Variants in NPHP3 observed in about 807,000 individuals in gnomAD.
NPHP3 encodes nephrocystin-3.
NPHP3 carries 123 observed loss-of-function variants against 171.9 expected under a neutral mutation model. That is an observed-to-expected ratio of 0.72 (90% CI 0.62 to 0.83). NPHP3 has a LOEUF of 0.83. Among genes scored for constraint, NPHP3 ranks in the 40% least tolerant of loss-of-function variants. The pLI, the probability that NPHP3 is intolerant of heterozygous loss-of-function variation, is 0.00. For missense variants in NPHP3, 1,506 were observed against 1,591.9 expected, an observed-to-expected ratio of 0.95 and a Z score of 0.92; for synonymous variants, 558 against 579.2, an observed-to-expected ratio of 0.96 and a Z score of 0.52.
chr3:132,716,785 C>T lies in NPHP3; in HGVS notation c.795G>A (p.Val265=). ...TATTAACATTTGCAAAGGGTCCTTC[C>T]ACATCTATAGAACTATGGGCAAACT... ...GPEFAHSSID[V]EGPFANVNRD... The change falls in exon 4 of 27, where the codon GTG becomes GTA. Residue 265 remains valine (V), a synonymous_variant. Transcript: ENST00000337331. 1 of 1,614,122 alleles carries T rather than the reference C, an allele frequency of 6.2e-7. No individual in the cohort carries two copies. Among genetic ancestry groups the T allele is most frequent in the Non-Finnish European group, 8.5e-7 (1 of 1,180,014 alleles).
Position 132,721,958 on chromosome 3 carries a change from G to A in NPHP3, c.393+5C>T, listed in dbSNP as rs1309968155. The A allele has an allele frequency of 5.0e-6, 8 of 1,612,244 alleles. No individual in the cohort carries two copies. Among genetic ancestry groups the A allele is most frequent in the Non-Finnish European group, 5.9e-6 (7 of 1,179,790 alleles). ...TCCCGGCGTCGCGGCCCAGCCCGGC[G>A]TTACCTGCAGTTCGGCCCGCAGCCG... On this transcript the variant is annotated splice_donor_5th_base_variant and intron_variant, in intron 1 of 26. Transcript: ENST00000337331.
At chr3:132,682,905 C>T in intron 25 of NPHP3, 87 bp from the exon 26 acceptor site, 2 of 815,202 alleles carry the variant, frequency 2.5e-6, no homozygotes, top group Non-Finnish European at 4.3e-6. Context: ...TTGATTAGTA[C>T]TTTAAAATGT....
intron 4 of NPHP3, among the ~76,000 whole-genome samples, chr3:132,716,001 C>A (rs1370098299): frequency 9.9e-6 from 1 of 100,636 alleles, no homozygotes; most frequent in African/African-American, 4.8e-5. Flanking sequence ...TTCTTTAAAT[C>A]AAGCTTCTCC....
intron 13 of NPHP3, among the ~76,000 whole-genome samples, chr3:132,698,586 C>A (rs370467699): frequency 1.1e-4 from 17 of 152,136 alleles, no homozygotes; most frequent in African/African-American, 4.1e-4. Context: ...CACTCTACTA[C>A]TTTTTAAAGA....
chr3:132,694,903 A>G lies in NPHP3; in HGVS notation c.2234T>C (p.Leu745Pro). ...GTGCAGAACAAGTCTATATAATGAAAGAGTATCTTGACACTGGAAACACTG... is the reference window on the plus strand; with the variant it reads ...GTGCAGAACAAGTCTATATAATGAAGGAGTATCTTGACACTGGAAACACTG... ...LHQCFQCQDT[L>P]SLYRLVLHSI... Residue 745 changes from leucine (L) to proline (P), a missense_variant, in exon 16 of 27, where the codon CTT (leucine) becomes CCT (proline). By Grantham distance (98) the Leu-to-Pro change is moderately conservative. Transcript: ENST00000337331. 1 of 1,613,832 alleles carries G rather than the reference A, an allele frequency of 6.2e-7. No homozygotes were observed. Among genetic ancestry groups the G allele is most frequent in the Non-Finnish European group, 8.5e-7 (1 of 1,179,816 alleles).
intron 13 of NPHP3, 135 bp downstream of exon 13, chr3:132,699,218 A>AT (rs1939539172): frequency 1.5e-6 from 1 of 658,510 alleles, no homozygotes; most frequent in Admixed American, 2.6e-5. Flanking sequence ...TTTTTCATAA[A>AT]TTCACCCACT....
rs780587933 is a variant in NPHP3 at position 132,694,947 on chromosome 3, A to G, written c.2190T>C (p.Asn730=). Reference sequence around the variant, plus strand: ...AACACTGATGAAGGATTTTATCTAAATTGCCTGCTCTCCCAGCACTGTTGG... The same window carrying G: ...AACACTGATGAAGGATTTTATCTAAGTTGCCTGCTCTCCCAGCACTGTTGG... ...KMIARAGRAG[N]LDKILHQCFQ... is the part of the protein sequence containing the mutation. The change falls in exon 16 of 27, where the codon AAT becomes AAC. Residue 730 remains asparagine (N), a synonymous_variant. Coordinates refer to ENST00000337331, the MANE Select transcript of NPHP3 (RefSeq NM_153240.5). 33 of 1,613,798 alleles carry G rather than the reference A, an allele frequency of 2.0e-5. No individual in the cohort carries two copies. In the Admixed American group the frequency reaches 5.5e-4, roughly 27 times the overall value.
chr3:132,688,714 C>T lies in NPHP3; in HGVS notation c.3061G>A (p.Ala1021Thr), dbSNP rs749460686. The change falls in exon 21 of 27, where the codon GCG becomes ACG. Residue 1021 changes from alanine (A) to threonine (T), a missense_variant. Coordinates refer to ENST00000337331, the MANE Select transcript of NPHP3 (RefSeq NM_153240.5). Reference protein sequence around the residue: ...ALEISENAYGADHPYTARELE... With the variant: ...ALEISENAYGTDHPYTARELE... ...TCACGAGCAGTATATGGATGGTCCG[C>T]ACCATAAGCATTTTCTGAGATTTCC... is the stretch of plus-strand genomic sequence containing the variant. 1.2e-6 allele frequency: 2 copies of T among 1,614,114 alleles called. No homozygotes were observed. The highest frequency in any genetic ancestry group is 8.5e-7 in the Non-Finnish European group (1 of 1,179,970).
rs774495861 is a variant in NPHP3 at position 132,690,588 on chromosome 3, C to A, written c.2633G>T (p.Ser878Ile). The part of the protein sequence containing the change: ...ELPWLFQQQG[S>I]KQKLHDCLLN... Reference sequence around the variant, plus strand: ...AAGGCAATCATGCAGCTTCTGTTTACTTCCCTGCTGCTGAAAAAGCCACGG... The same window carrying A: ...AAGGCAATCATGCAGCTTCTGTTTAATTCCCTGCTGCTGAAAAAGCCACGG... Residue 878 changes from serine (S) to isoleucine (I), a missense_variant, in exon 19 of 27, where the codon AGT (serine) becomes ATT (isoleucine). Coordinates refer to ENST00000337331, the MANE Select transcript of NPHP3 (RefSeq NM_153240.5). The A allele has an allele frequency of 1.2e-6, 2 of 1,613,462 alleles. No homozygotes were observed. The highest frequency in any genetic ancestry group is 4.5e-5 in the East Asian group (2 of 44,870).
chr3:132,700,118 T>G (rs1939567037), intron 11 of NPHP3, 57 bp from the exon 12 acceptor site: 2 of 1,583,558 alleles, frequency 1.3e-6, no homozygotes, highest in African/African-American at 2.7e-5. Flanking sequence ...CTGAAGTAGT[T>G]ACAGAGCTGG....
intron 6 of NPHP3, among the ~76,000 whole-genome samples, chr3:132,709,042 T>C (rs2107991483): frequency 6.6e-6 from 1 of 152,274 alleles, no homozygotes; most frequent in African/African-American, 2.4e-5. Flanking sequence ...TTCAGACTTT[T>C]CTCATCTAAT....
rs549268866 is a variant in NPHP3, at chr3:132,681,466, C to T, written c.*444G>A. On this transcript the variant is annotated 3_prime_UTR_variant, in exon 27 of 27. Coordinates refer to ENST00000337331, the MANE Select transcript of NPHP3 (RefSeq NM_153240.5). Reference sequence around the variant, plus strand: ...TATTTTTAGTAGAGACAGGGTTTCACCATGTTGGCCAGGCTGGTCTCCAAC... The same window carrying T: ...TATTTTTAGTAGAGACAGGGTTTCATCATGTTGGCCAGGCTGGTCTCCAAC... 1.6e-4 allele frequency: 30 copies of T among 186,812 alleles called. No individual in the cohort carries two copies. Among genetic ancestry groups the T allele is most frequent in the Non-Finnish European group, 2.9e-4 (26 of 89,200 alleles). The allele number at this position is 186,812 out of a possible 1,614,324, so 11.6% of individuals were successfully genotyped here.
At position 132,690,603 on chromosome 3, in the gene NPHP3, A is replaced by C. The variant is rs149618293; in HGVS notation, c.2618T>G (p.Phe873Cys). 3 of 1,613,902 alleles carry C rather than the reference A, an allele frequency of 1.9e-6. No homozygotes were observed. Among genetic ancestry groups the C allele is most frequent in the East Asian group, 2.2e-5 (1 of 44,862 alleles). The change falls in exon 19 of 27, where the codon TTT (phenylalanine) becomes TGT (cysteine). Residue 873 changes from phenylalanine (F) to cysteine (C), a missense_variant. Physicochemically the swap from Phe to Cys is radical, Grantham distance 205. Around this residue, in one of 3 missense-constraint regions of NPHP3, gnomAD observed 569 missense variants for 648.1 expected, o/e 0.88. Coordinates refer to ENST00000337331, the MANE Select transcript of NPHP3 (RefSeq NM_153240.5). ...WRSADELPWL[F>C]QQQGSKQKLH... ...CTTCTGTTTACTTCCCTGCTGCTGA[A>C]AAAGCCACGGGAGTTCATCTGCACT...
chr3:132,707,799 C>G (rs1430288184), intron 7 of NPHP3, among the ~76,000 whole-genome samples: 1 of 152,104 alleles, frequency 6.6e-6, no homozygotes, highest in Non-Finnish European at 1.5e-5. Context: ...ACCACCTATT[C>G]TCAACATGGC....
intron 17 of NPHP3, 56 bp downstream of exon 17, chr3:132,692,597 CA>C: frequency 1.3e-6 from 2 of 1,495,506 alleles, no homozygotes; most frequent in Non-Finnish European, 1.9e-6. Flanking sequence ...GCCTGGGTGA[CA>C]GAGAAGACCC....
Position 132,691,287 on chromosome 3 carries a change from C to A in NPHP3, c.2476-1G>T. 6.2e-7 allele frequency: 1 copy of A among 1,608,792 alleles called. No individual in the cohort carries two copies. Among genetic ancestry groups the A allele is most frequent in the Non-Finnish European group, 8.5e-7 (1 of 1,175,366 alleles). ...ACTCCAATCTCACTGTTTCCCAAGC[C>A]TAGGGAGAAAAAGAAGAAATACTGA... On this transcript the variant is annotated splice_acceptor_variant, in intron 17 of 26. Transcript: ENST00000337331. LOFTEE classifies it high-confidence loss of function.
chr3:132,698,996 G>T (rs539808690), intron 13 of NPHP3, among the ~76,000 whole-genome samples: 8 of 152,146 alleles, frequency 5.3e-5, no homozygotes, highest in Admixed American at 5.2e-4. Context: ...AGGTTCAAGC[G>T]ATTCTCCTGC....
chr3:132,685,320 T>C (rs1354628316), intron 23 of NPHP3: 5 of 155,192 alleles, frequency 3.2e-5, no homozygotes, highest in African/African-American at 1.2e-4. Flanking sequence ...CTCACTATGT[T>C]GCCCAGGCTG....
intron 8 of NPHP3, among the ~76,000 whole-genome samples, chr3:132,705,119 C>T (rs1279068584): frequency 1.3e-5 from 2 of 152,132 alleles, no homozygotes; most frequent in African/African-American, 2.4e-5. Context: ...CTTCCCACTG[C>T]GCCCATTCTG....
Sources: allele counts gnomAD v4.1 joint callset (sites outside exome capture counted in the v4.1 genomes callset), GRCh38; gene constraint gnomAD v4.1.1; regional missense constraint gnomAD v4.1.1; transcripts MANE v1.5; gene names NCBI Gene and HGNC (gene_info 2026-07-23, HGNC 2026-07-21).